Variants in CCDC149 observed in about 807,000 individuals in gnomAD.
CCDC149 encodes coiled-coil domain-containing protein 149.
Under a neutral mutation model 59.9 loss-of-function variants are expected in CCDC149, and 45 were observed. The observed-to-expected ratio is 0.75, with a 90% CI of 0.59 to 0.96. CCDC149 has a LOEUF of 0.96. Ranked by LOEUF, CCDC149 falls within the 40% of genes least tolerant of loss-of-function variation. The probability of loss-of-function intolerance (pLI) is 0.00; values close to 1 mark genes in which losing one functional copy is unlikely to be tolerated. For synonymous variants in CCDC149, 245 were observed against 260.6 expected (o/e 0.94, Z 0.58); for missense variants, 584 against 664.7 (o/e 0.88, Z 1.33).
At chr4:24,873,975 C>T (rs538329992) in intron 2 of CCDC149, among the ~76,000 whole-genome samples, 5 of 152,116 alleles carry the variant, frequency 3.3e-5, no homozygotes, top group African/African-American at 1.2e-4. Flanking sequence ...ATTGTTTGAA[C>T]ACAAAAACTG....
chr4:24,856,163 TC>T (rs60548481), intron 3 of CCDC149, among the ~76,000 whole-genome samples: 32,335 of 148,442 alleles, frequency 0.22, 3,819 homozygotes, highest in African/African-American at 0.3. Flanking sequence ...CGAAGGCCTC[TC>T]CTTGGACACA....
intron 1 of CCDC149, among the ~76,000 whole-genome samples, chr4:24,891,907 G>A (rs1338505542): frequency 6.6e-6 from 1 of 152,096 alleles, no homozygotes; most frequent in Non-Finnish European, 1.5e-5. Context: ...GCTGAGGTGG[G>A]AGGATCCCTT....
At chr4:24,862,026 A>C (rs1017430533) in intron 3 of CCDC149, among the ~76,000 whole-genome samples, 2 of 152,198 alleles carry the variant, frequency 1.3e-5, no homozygotes, top group Non-Finnish European at 2.9e-5. Flanking sequence ...CAGTACCAGG[A>C]AGAAGAGAGA....
chr4:24,921,770 T>A (rs938632970), intron 1 of CCDC149, among the ~76,000 whole-genome samples: 1 of 152,036 alleles, frequency 6.6e-6, no homozygotes, highest in South Asian at 2.1e-4. Flanking sequence ...GTTTAAAGAG[T>A]TTTTTTAAAG....
Position 24,837,186 on chromosome 4 carries a change from C to T in CCDC149, c.662+42G>A. 6.3e-7 allele frequency: 1 copy of T among 1,593,758 alleles called. No homozygotes were observed. On this transcript the variant is annotated intron_variant, in intron 6 of 12. Transcript: ENST00000635206. This position sits in a 1 kb window ranked among gnomAD's most constrained non-coding sequence, Gnocchi z 4.3. ...TCCCAGCCTGCAGGCCTGTGCAGAGCCAGCCTTCCTCCCACGCACAGGCCT... is the reference window on the plus strand; with the variant it reads ...TCCCAGCCTGCAGGCCTGTGCAGAGTCAGCCTTCCTCCCACGCACAGGCCT...
At chr4:24,805,418 C>T (rs946899144), downstream of CCDC149, among the ~76,000 whole-genome samples, 9 of 152,262 alleles carry the variant, frequency 5.9e-5, no homozygotes, top group Middle Eastern at 3.4e-3. Context: ...CCAAACTCAT[C>T]GGAAACATGA....
At chr4:24,832,803 G>A (rs1716245316) in intron 8 of CCDC149, among the ~76,000 whole-genome samples, 1 of 152,008 alleles carries the variant, frequency 6.6e-6, no homozygotes, top group East Asian at 1.9e-4. Flanking sequence ...TAGCTTCTTT[G>A]GCAATAAAAC....
chr4:24,866,241 A>G (rs940697729), intron 3 of CCDC149, among the ~76,000 whole-genome samples: 1 of 152,116 alleles, frequency 6.6e-6, no homozygotes, highest in Non-Finnish European at 1.5e-5. Flanking sequence ...ATCACTTTTT[A>G]GAAGCAAGAA....
chr4:24,840,747 G>T (rs1716885295), intron 4 of CCDC149, among the ~76,000 whole-genome samples: 1 of 152,178 alleles, frequency 6.6e-6, no homozygotes, highest in African/African-American at 2.4e-5. Flanking sequence ...GACAATATGA[G>T]TGTTAGAGAA....
chr4:24,971,038 G>A (rs1481120331), intron 1 of CCDC149, among the ~76,000 whole-genome samples: 1 of 152,190 alleles, frequency 6.6e-6, no homozygotes, highest in African/African-American at 2.4e-5. Flanking sequence ...AATAACTGCT[G>A]CCCAAGGAGG....
intron 3 of CCDC149, among the ~76,000 whole-genome samples, chr4:24,864,416 G>A (rs1003641261): frequency 1.3e-5 from 2 of 152,154 alleles, no homozygotes; most frequent in Admixed American, 6.5e-5. Flanking sequence ...ACCTCACTGG[G>A]ACTAACCAAC....
At chr4:24,900,563 C>T (rs536725723) in intron 1 of CCDC149, among the ~76,000 whole-genome samples, 77 of 152,218 alleles carry the variant, frequency 5.1e-4, no homozygotes, top group Non-Finnish European at 4.8e-4. Flanking sequence ...TCCAGAATTC[C>T]TGTCTCCTGC....
chr4:24,936,058 C>T (rs1029523927), intron 1 of CCDC149, among the ~76,000 whole-genome samples: 5 of 152,128 alleles, frequency 3.3e-5, no homozygotes, highest in African/African-American at 9.7e-5. Context: ...TGATATTAGT[C>T]AACTCAGATG....
At chr4:24,943,857 A>T (rs1723021133) in intron 1 of CCDC149, among the ~76,000 whole-genome samples, 1 of 152,084 alleles carries the variant, frequency 6.6e-6, no homozygotes, top group Non-Finnish European at 1.5e-5. Context: ...TCAAAACCAC[A>T]ATGAGATACC....
chr4:24,842,162 C>G (rs560509971), intron 4 of CCDC149, among the ~76,000 whole-genome samples: 2 of 152,190 alleles, frequency 1.3e-5, no homozygotes, highest in Admixed American at 1.3e-4. Context: ...CAGAACCTAA[C>G]CCTAAGTAAG....
intron 1 of CCDC149, among the ~76,000 whole-genome samples, chr4:24,970,678 G>T (rs1218568274): frequency 5.9e-5 from 9 of 152,102 alleles, no homozygotes; most frequent in Admixed American, 5.9e-4. Context: ...GCAGTCTATG[G>T]GTCTGTAGTG....
intron 4 of CCDC149, among the ~76,000 whole-genome samples, chr4:24,849,168 G>C (rs1717501655): frequency 6.6e-6 from 1 of 151,980 alleles, no homozygotes. Flanking sequence ...GCAGACCAAG[G>C]GGAGCTGCCA....
At chr4:24,858,133 T>C (rs1323880003) in intron 3 of CCDC149, among the ~76,000 whole-genome samples, 1 of 152,212 alleles carries the variant, frequency 6.6e-6, no homozygotes, top group East Asian at 1.9e-4. Flanking sequence ...ACACATTCAC[T>C]ATAACAATCC....
In CCDC149 at chr4:24,857,125, C is replaced by T. The variant is rs561596846; in HGVS notation, c.265-3946G>A. Reference sequence around the variant, plus strand: ...AAAATCTCCAACCTCCCTAAGCTTCCCTTTTTAAATCAATATTTCCTTAGT... The same window carrying T: ...AAAATCTCCAACCTCCCTAAGCTTCTCTTTTTAAATCAATATTTCCTTAGT... On this transcript the variant is annotated intron_variant, in intron 3 of 12. Transcript: ENST00000635206. 3.3e-5 allele frequency among the ~76,000 whole-genome samples: 5 copies of T among 152,236 alleles called. No individual in the cohort carries two copies. In the South Asian group the frequency reaches 1.0e-3, roughly 32 times the overall value.
Sources: gnomAD v4.1 joint callset for allele counts (sites outside exome capture counted in the v4.1 genomes callset) on GRCh38, gnomAD v4.1.1 for gene constraint, Gnocchi (gnomAD v3.1) non-coding constraint, MANE v1.5 for transcripts, NCBI Gene and HGNC (gene_info 2026-07-23, HGNC 2026-07-21) for gene names.